Variants in GABRB2 observed in about 807,000 individuals in gnomAD.
GABRB2 encodes the protein gamma-aminobutyric acid type A receptor subunit beta2, also known as gamma-aminobutyric acid receptor subunit beta-2.
Under a neutral mutation model 54.7 loss-of-function variants are expected in GABRB2, and 16 were observed. That is an observed-to-expected ratio of 0.29 (90% confidence interval 0.20 to 0.44). GABRB2 has a LOEUF of 0.44. Ranked by LOEUF, GABRB2 falls within the 20% of genes least tolerant of loss-of-function variation. GABRB2 has a pLI of 1.00. For missense variants in GABRB2, 355 were observed against 644.0 expected, an observed-to-expected ratio of 0.55 and a Z score of 4.86; for synonymous variants, 244 against 233.8, an observed-to-expected ratio of 1.04 and a Z score of -0.40.
chr5:161,491,078 T>C (rs1759081609), intron 3 of GABRB2, among the ~76,000 whole-genome samples: 2 of 151,664 alleles, frequency 1.3e-5, no homozygotes, highest in Admixed American at 6.6e-5. Context: ...ATTAAACTAA[T>C]ACTTACCAAA....
chr5:161,289,369 CT>C lies in GABRB2; in HGVS notation c.*4711del, dbSNP rs11297793. 49,883 of 150,010 alleles carry C rather than the reference CT, an allele frequency of 0.33. 8,967 individuals carry two copies. The highest frequency in any genetic ancestry group is 0.47 in the African/African-American group (19,049 of 40,652). 9.3% of individuals were successfully genotyped at this position (150,010 alleles called of 1,614,324 possible). A position where few individuals can be genotyped will look rare whatever the true frequency, so the allele number is the denominator to read the frequency against. On this transcript the variant is annotated 3_prime_UTR_variant, in exon 10 of 10. Transcript: ENST00000393959. ...TAAACCTTTGGTGTGAAGCAGCGTC[CT>C]TTTTTTCCCCCATTATCTCATTTTT...
In GABRB2 at chr5:161,334,765, T is replaced by C; in HGVS notation, c.819A>G (p.Ala273=). 6.2e-7 allele frequency: 1 copy of C among 1,613,926 alleles called. No individual in the cohort carries two copies. The highest frequency in any genetic ancestry group is 1.3e-5 in the African/African-American group (1 of 75,038). Residue 273 remains alanine, a synonymous_variant, in exon 7 of 10, where the codon GCA becomes GCG. Coordinates refer to ENST00000393959, the MANE Select transcript of GABRB2 (RefSeq NM_001371727.1). The part of the protein sequence containing the change: ...SFWINYDASA[A]RVALGITTVL... ...AAAATGGCCTACCTAATGCCACCCTTGCAGCTGAAGCATCGTAATTAATCC... is the reference window on the plus strand; with the variant it reads ...AAAATGGCCTACCTAATGCCACCCTCGCAGCTGAAGCATCGTAATTAATCC...
intron 4 of GABRB2, among the ~76,000 whole-genome samples, chr5:161,428,103 A>T (rs1255964451): frequency 1.3e-5 from 2 of 152,148 alleles, no homozygotes; most frequent in African/African-American, 4.8e-5. Context: ...AATAATTACC[A>T]AATGTATGCC....
chr5:161,426,709 TAAAC>T (rs1019256779), intron 4 of GABRB2, among the ~76,000 whole-genome samples: 8 of 151,744 alleles, frequency 5.3e-5, no homozygotes, highest in African/African-American at 1.7e-4. Flanking sequence ...GGATTTCAAA[TAAAC>T]AAAAAAGACT....
intron 5 of GABRB2, among the ~76,000 whole-genome samples, chr5:161,337,212 C>A (rs1399540654): frequency 6.6e-6 from 1 of 151,980 alleles, no homozygotes; most frequent in African/African-American, 2.4e-5. Flanking sequence ...AATAAGAGAA[C>A]AATAATTTAA....
chr5:161,509,936 C>A (rs1214377061), intron 3 of GABRB2, among the ~76,000 whole-genome samples: 2 of 151,884 alleles, frequency 1.3e-5, no homozygotes, highest in Non-Finnish European at 2.9e-5. Context: ...TTCACCTTCC[C>A]AGAAAATTAT....
At chr5:161,317,182 T>C (rs1248892331) in intron 9 of GABRB2, among the ~76,000 whole-genome samples, 3 of 152,064 alleles carry the variant, frequency 2.0e-5, no homozygotes, top group Admixed American at 6.6e-5. Context: ...TATATACTAG[T>C]TGTAACAATT....
chr5:161,441,906 T>C (rs771137365), intron 4 of GABRB2, among the ~76,000 whole-genome samples: 2 of 151,986 alleles, frequency 1.3e-5, no homozygotes, highest in Non-Finnish European at 2.9e-5. Context: ...ATCAAAACAA[T>C]TGAACTCATA....
At chr5:161,383,053 T>A (rs540952488) in intron 5 of GABRB2, among the ~76,000 whole-genome samples, 1 of 152,236 alleles carries the variant, frequency 6.6e-6, no homozygotes, top group Admixed American at 6.5e-5. Context: ...TTTCCCTTTT[T>A]TCTTAATTTT....
intron 5 of GABRB2, among the ~76,000 whole-genome samples, chr5:161,398,013 T>TGATAGATA (rs67936445): frequency 4.6e-4 from 70 of 151,080 alleles, no homozygotes; most frequent in African/African-American, 1.6e-3. Context: ...GGTAGATAGA[T>TGATAGATA]GATAGATAGA....
chr5:161,485,775 G>A (rs956740794), intron 3 of GABRB2, among the ~76,000 whole-genome samples: 1 of 151,890 alleles, frequency 6.6e-6, no homozygotes, highest in African/African-American at 2.4e-5. Flanking sequence ...TGGTCAGTGA[G>A]ACTCAATTCT....
rs185779493 is a variant in GABRB2 at position 161,531,440 on chromosome 5, A to G, written c.237+13787T>C. Among the ~76,000 whole-genome samples the G allele has an allele frequency of 9.9e-5, 15 of 152,278 alleles. No individual in the cohort carries two copies. The East Asian group carries it at 2.7e-3, about 27-fold the overall frequency. On this transcript the variant is annotated intron_variant, in intron 3 of 9. Coordinates refer to ENST00000393959, the MANE Select transcript of GABRB2 (RefSeq NM_001371727.1). ...TTAACTTGTAGTTCAAAGAAACAAG[A>G]AAATTCAATACTGATTTCAAAACAA...
At chr5:161,439,856 T>C (rs766459855) in intron 4 of GABRB2, among the ~76,000 whole-genome samples, 13 of 151,852 alleles carry the variant, frequency 8.6e-5, no homozygotes, top group Admixed American at 2.0e-4. Context: ...TAAGGAAGAA[T>C]AGCTAATGGA....
chr5:161,548,093 G>C (rs1761046180), upstream of GABRB2: 1 of 152,878 alleles, frequency 6.5e-6, no homozygotes, highest in South Asian at 2.1e-4. Context: ...CGGTCTCCGC[G>C]CCACCTCGTC....
At chr5:161,357,519 C>CA (rs11423363) in intron 5 of GABRB2, among the ~76,000 whole-genome samples, 117,106 of 140,906 alleles carry the variant, frequency 0.83, 48,175 homozygotes, top group East Asian at 0.94. Context: ...GAGTTTTGAG[C>CA]AAAAAAAAAA....
chr5:161,328,676 C>G (rs1040960883), intron 8 of GABRB2, among the ~76,000 whole-genome samples: 4 of 152,188 alleles, frequency 2.6e-5, no homozygotes, highest in Non-Finnish European at 5.9e-5. Context: ...AATATTTAGA[C>G]GACAAGGATA....
chr5:161,351,098 G>C (rs1754459090), intron 5 of GABRB2, among the ~76,000 whole-genome samples: 1 of 152,044 alleles, frequency 6.6e-6, no homozygotes, highest in Non-Finnish European at 1.5e-5. Flanking sequence ...ACATGTTCAT[G>C]AGTTGGAAGA....
At chr5:161,441,657 T>C (rs898374374) in intron 4 of GABRB2, among the ~76,000 whole-genome samples, 1 of 152,178 alleles carries the variant, frequency 6.6e-6, no homozygotes, top group Non-Finnish European at 1.5e-5. Flanking sequence ...TACTCCTATG[T>C]TTGTTGCAGC....
At chr5:161,313,601 T>A (rs1225995001) in intron 9 of GABRB2, among the ~76,000 whole-genome samples, 2 of 151,310 alleles carry the variant, frequency 1.3e-5, no homozygotes, top group Admixed American at 1.3e-4. Flanking sequence ...CTTAGGAAAA[T>A]GGGAAAAGTC....
Sources: gnomAD v4.1 joint callset for allele counts (sites outside exome capture counted in the v4.1 genomes callset) on GRCh38, gnomAD v4.1.1 for gene constraint, MANE v1.5 for transcripts, NCBI Gene and HGNC (gene_info 2026-07-23, HGNC 2026-07-21) for gene names.